The following NOS1AP variants were observed in gnomAD, a reference collection of about 807,000 sequenced individuals.
NOS1AP encodes carboxyl-terminal PDZ ligand of neuronal nitric oxide synthase protein.
In NOS1AP, 21 loss-of-function variants were observed where a neutral mutation model predicts 56.2. The observed-to-expected ratio is 0.37, with a 90% CI of 0.26 to 0.54. The LOEUF (loss-of-function observed/expected upper bound fraction) is 0.54. NOS1AP is among the 20% of genes least tolerant of loss of function. The probability of loss-of-function intolerance (pLI) is 0.84; values close to 1 mark genes in which losing one functional copy is unlikely to be tolerated. For missense variants in NOS1AP, 522 were observed against 657.8 expected, an observed-to-expected ratio of 0.79 and a Z score of 2.26; for synonymous variants, 270 against 274.6, an observed-to-expected ratio of 0.98 and a Z score of 0.17.
intron 4 of NOS1AP, among the ~76,000 whole-genome samples, chr1:162,323,071 G>A (rs1438321681): frequency 6.6e-6 from 1 of 152,208 alleles, no homozygotes. Context: ...TTTGAATATA[G>A]GGAGTTTGCA....
chr1:162,343,794 G>T (rs372665811), intron 5 of NOS1AP, 41 bp from the exon 6 acceptor site: 1 of 1,612,828 alleles, frequency 6.2e-7, no homozygotes, highest in South Asian at 1.1e-5. Flanking sequence ...TGCCCCTTGC[G>T]CATCCTCACC....
At chr1:162,177,602 T>C (rs1651110516) in intron 2 of NOS1AP, among the ~76,000 whole-genome samples, 1 of 152,230 alleles carries the variant, frequency 6.6e-6, no homozygotes, top group Admixed American at 6.5e-5. Flanking sequence ...CCTACTCTTT[T>C]TATTTACTTA....
intron 2 of NOS1AP, among the ~76,000 whole-genome samples, chr1:162,263,299 T>C (rs900803534): frequency 1.3e-5 from 2 of 152,190 alleles, no homozygotes; most frequent in Non-Finnish European, 2.9e-5. Flanking sequence ...GGTACTGGCC[T>C]CTGGCAAAGC....
chr1:162,359,722 G>C (rs1115779), intron 8 of NOS1AP, among the ~76,000 whole-genome samples: 1,977 of 147,706 alleles, frequency 0.013, 17 homozygotes, highest in Non-Finnish European at 0.02. Context: ...CTCTACGCGG[G>C]GGGGGGCTGA....
intron 1 of NOS1AP, among the ~76,000 whole-genome samples, chr1:162,110,446 G>A (rs1346438947): frequency 6.6e-6 from 1 of 152,094 alleles, no homozygotes; most frequent in African/African-American, 2.4e-5. Flanking sequence ...CATGCACCAC[G>A]TTATTTGTTC....
intron 2 of NOS1AP, among the ~76,000 whole-genome samples, chr1:162,248,632 G>A (rs1336912083): frequency 6.6e-6 from 1 of 152,106 alleles, no homozygotes; most frequent in Non-Finnish European, 1.5e-5. Flanking sequence ...TTATGGCCTG[G>A]ACCATGCTGA....
At chr1:162,313,246 C>A (rs1656107629) in intron 4 of NOS1AP, among the ~76,000 whole-genome samples, 1 of 152,116 alleles carries the variant, frequency 6.6e-6, no homozygotes, top group Non-Finnish European at 1.5e-5. Context: ...GATAAATATT[C>A]AGGGGAAGGT....
At chr1:162,125,041 A>G (rs1648422007) in intron 1 of NOS1AP, among the ~76,000 whole-genome samples, 1 of 151,914 alleles carries the variant, frequency 6.6e-6, no homozygotes, top group Non-Finnish European at 1.5e-5. Flanking sequence ...ACTGTTTTCC[A>G]TAGAGGTTGT....
chr1:162,079,134 C>T (rs1169173855), intron 1 of NOS1AP, among the ~76,000 whole-genome samples: 1 of 152,202 alleles, frequency 6.6e-6, no homozygotes, highest in Non-Finnish European at 1.5e-5. Context: ...TTCCGGTTCC[C>T]AGTGGCTTGA....
chr1:162,337,869 C>G (rs72700163), intron 5 of NOS1AP, among the ~76,000 whole-genome samples: 3,574 of 152,268 alleles, frequency 0.023, 78 homozygotes, highest in Non-Finnish European at 0.034. Flanking sequence ...ATGTGTTGGA[C>G]AAAAACCTAA....
At chr1:162,309,168 A>G (rs894636748) in intron 4 of NOS1AP, among the ~76,000 whole-genome samples, 2 of 152,258 alleles carry the variant, frequency 1.3e-5, no homozygotes, top group Non-Finnish European at 2.9e-5. Flanking sequence ...TTGGGAAATC[A>G]GGATACCCAT....
intron 8 of NOS1AP, among the ~76,000 whole-genome samples, chr1:162,361,827 T>C (rs1337939372): frequency 1.3e-5 from 2 of 152,176 alleles, no homozygotes; most frequent in African/African-American, 4.8e-5. Flanking sequence ...AAAAAAAGCT[T>C]TCAATTTTTT....
chr1:162,143,055 A>G (rs1023857182), intron 1 of NOS1AP, among the ~76,000 whole-genome samples: 1 of 134,842 alleles, frequency 7.4e-6, no homozygotes, highest in African/African-American at 2.7e-5. Flanking sequence ...CCTGGTCGCA[A>G]CTTGCTCAGT....
intron 2 of NOS1AP, among the ~76,000 whole-genome samples, chr1:162,238,190 G>A (rs183251199): frequency 2.4e-3 from 367 of 152,218 alleles, no homozygotes; most frequent in Non-Finnish European, 4.3e-3. Context: ...TTGAATAGGA[G>A]GCAGGGTTGG....
intron 2 of NOS1AP, among the ~76,000 whole-genome samples, chr1:162,181,903 A>G (rs1056885051): frequency 2.6e-5 from 4 of 152,212 alleles, no homozygotes; most frequent in African/African-American, 9.6e-5. Flanking sequence ...TTTTCTGGGG[A>G]TGACCTAAGA....
Position 162,132,862 on chromosome 1 carries a change from C to T in NOS1AP, c.106-21543C>T, listed in dbSNP as rs527838713. 4.6e-5 allele frequency among the ~76,000 whole-genome samples: 7 copies of T among 152,280 alleles called. No homozygotes were observed. In the South Asian group the frequency reaches 1.5e-3, roughly 32 times the overall value. On this transcript the variant is annotated intron_variant, in intron 1 of 9. Coordinates refer to ENST00000361897, the MANE Select transcript of NOS1AP (RefSeq NM_014697.3). ...ATGGATAAAGGTCTGTTTCTGAAAC[C>T]AGAGCTCTCTTCTTGCTGAGATTCT... is the stretch of plus-strand genomic sequence containing the variant.
chr1:162,070,484 G>A (rs1213478700), intron 1 of NOS1AP, among the ~76,000 whole-genome samples: 1 of 152,172 alleles, frequency 6.6e-6, no homozygotes, highest in Non-Finnish European at 1.5e-5. Flanking sequence ...CAACTGCAAA[G>A]TTTGAGCGGT....
chr1:162,235,732 G>A (rs1054504657), intron 2 of NOS1AP, among the ~76,000 whole-genome samples: 1 of 152,206 alleles, frequency 6.6e-6, no homozygotes, highest in Non-Finnish European at 1.5e-5. Context: ...GGTGATGGTG[G>A]TTAATTCCTG....
chr1:162,162,827 G>A (rs576055320), intron 2 of NOS1AP, among the ~76,000 whole-genome samples: 1 of 152,004 alleles, frequency 6.6e-6, no homozygotes, highest in African/African-American at 2.4e-5. Context: ...CATATAACTC[G>A]CCCATTTAAA....
Sources: allele counts gnomAD v4.1 joint callset (sites outside exome capture counted in the v4.1 genomes callset), GRCh38; gene constraint gnomAD v4.1.1; transcripts MANE v1.5; gene names NCBI Gene and HGNC (gene_info 2026-07-23, HGNC 2026-07-21).